PTPRD: variants seen among roughly 807,000 people sequenced by gnomAD.
The protein encoded by PTPRD is protein tyrosine phosphatase receptor type D.
Under a neutral mutation model 214.5 loss-of-function variants are expected in PTPRD, and 34 were observed. The ratio of observed to expected loss-of-function variants is 0.16; its 90% confidence interval spans 0.12 to 0.21. The LOEUF is 0.21. Among genes scored for constraint, PTPRD ranks in the 10% least tolerant of loss-of-function variants. The pLI, the probability that PTPRD is intolerant of heterozygous loss-of-function variation, is 1.00. For synonymous variants in PTPRD, 1,128 were observed against 845.7 expected, an observed-to-expected ratio of 1.33 and a Z score of -5.79; for missense variants, 2,545 against 2,398.7, an observed-to-expected ratio of 1.06 and a Z score of -1.27.
chr9:9,503,597 A>C (rs1272766677), intron 8 of PTPRD, among the ~76,000 whole-genome samples: 3 of 151,816 alleles, frequency 2.0e-5, no homozygotes, highest in Admixed American at 2.0e-4. Context: ...TAAATATTGC[A>C]TAGGAATCAA....
chr9:10,546,952 G>C (rs528982836), intron 2 of PTPRD, among the ~76,000 whole-genome samples: 6 of 152,202 alleles, frequency 3.9e-5, no homozygotes, highest in African/African-American at 9.6e-5. Flanking sequence ...GTACAGGTAA[G>C]AGTTTTTTAA....
At chr9:10,167,768 G>T (rs1263676392) in intron 3 of PTPRD, among the ~76,000 whole-genome samples, 1 of 152,176 alleles carries the variant, frequency 6.6e-6, no homozygotes, top group African/African-American at 2.4e-5. Context: ...GATACTGTGT[G>T]ATAGAAGATA....
At position 8,480,045 on chromosome 9, in the gene PTPRD, A is replaced by G. The variant is rs564796190; in HGVS notation, c.3413+4074T>C. ...TCACCCCATTATATTCACATTATCT[A>G]TTTTCTGAATCTATTCTCTTACTAT... is the stretch of plus-strand genomic sequence containing the variant. On this transcript the variant is annotated intron_variant, in intron 30 of 45. Coordinates refer to ENST00000381196, the MANE Select transcript of PTPRD (RefSeq NM_002839.4). Among the ~76,000 whole-genome samples the G allele has an allele frequency of 6.6e-5, 10 of 152,162 alleles. No individual in the cohort carries two copies. In the South Asian group the frequency reaches 2.1e-3, roughly 32 times the overall value.
chr9:8,489,245 G>C (rs1398638094), intron 27 of PTPRD, among the ~76,000 whole-genome samples: 2 of 152,152 alleles, frequency 1.3e-5, no homozygotes, highest in Admixed American at 1.3e-4. Flanking sequence ...TTAGGATGGA[G>C]TAATCTCTTT....
At chr9:8,440,735 T>C (rs2095520764) in intron 34 of PTPRD, among the ~76,000 whole-genome samples, 1 of 151,936 alleles carries the variant, frequency 6.6e-6, no homozygotes, top group Non-Finnish European at 1.5e-5. Context: ...CTGCCTTAGG[T>C]TGGAGGAAAA....
chr9:9,206,974 C>T (rs1336605172), intron 9 of PTPRD, among the ~76,000 whole-genome samples: 1 of 152,086 alleles, frequency 6.6e-6, no homozygotes, highest in Non-Finnish European at 1.5e-5. Flanking sequence ...CTGACTAATA[C>T]AAAGCTATTG....
At chr9:8,894,689 A>G (rs1236324583) in intron 11 of PTPRD, among the ~76,000 whole-genome samples, 1 of 152,250 alleles carries the variant, frequency 6.6e-6, no homozygotes, top group Non-Finnish European at 1.5e-5. Flanking sequence ...CTATATTGCA[A>G]CAAAGTGTGT....
intron 11 of PTPRD, among the ~76,000 whole-genome samples, chr9:8,780,675 T>C (rs1274049180): frequency 1.3e-5 from 2 of 152,204 alleles, no homozygotes; most frequent in Non-Finnish European, 2.9e-5. Flanking sequence ...AGGCAAGGCC[T>C]GAGAATCTAC....
At chr9:10,343,345 T>C (rs2096982490) in intron 2 of PTPRD, among the ~76,000 whole-genome samples, 1 of 152,192 alleles carries the variant, frequency 6.6e-6, no homozygotes, top group Non-Finnish European at 1.5e-5. Context: ...CCATGGTGTA[T>C]ATGTGCCAAA....
intron 14 of PTPRD, among the ~76,000 whole-genome samples, chr9:8,598,794 C>T (rs759308217): frequency 3.9e-5 from 6 of 152,120 alleles, no homozygotes; most frequent in East Asian, 1.9e-4. Flanking sequence ...TGTCTTCCAA[C>T]GAGTTAAAAT....
intron 9 of PTPRD, among the ~76,000 whole-genome samples, chr9:9,217,895 T>G (rs2099953327): frequency 1.3e-5 from 2 of 152,144 alleles, no homozygotes; most frequent in South Asian, 4.1e-4. Flanking sequence ...CCTGCTCTCT[T>G]ACATAATTAA....
Position 10,295,216 on chromosome 9 carries a change from G to A in PTPRD, c.-545+45747C>T, listed in dbSNP as rs574953861. On this transcript the variant is annotated intron_variant, in intron 3 of 45. Transcript: ENST00000381196. ...TGTGCTCCTTTTTCCTAAAAACAAA[G>A]ACCATCAAACAATTCTGGATATTTT... Among the ~76,000 whole-genome samples, 10 of 152,114 alleles carry A rather than the reference G, an allele frequency of 6.6e-5. No homozygotes were observed. In the South Asian group the frequency reaches 2.1e-3, roughly 32 times the overall value.
chr9:9,132,311 G>A (rs2007138), intron 10 of PTPRD, among the ~76,000 whole-genome samples: 33,985 of 152,004 alleles, frequency 0.22, 4,545 homozygotes, highest in Middle Eastern at 0.32. Context: ...GCCAGGCCTG[G>A]CCACTAGTTT....
intron 3 of PTPRD, among the ~76,000 whole-genome samples, chr9:10,119,361 T>C (rs1022788368): frequency 6.6e-6 from 1 of 152,036 alleles, no homozygotes; most frequent in South Asian, 2.1e-4. Context: ...TTGCCTTCTA[T>C]GGTACACTGG....
At chr9:10,300,674 T>G (rs985649347) in intron 3 of PTPRD, among the ~76,000 whole-genome samples, 3 of 152,184 alleles carry the variant, frequency 2.0e-5, no homozygotes, top group Non-Finnish European at 2.9e-5. Context: ...CTGAGCCTAC[T>G]GCAGCTCAGC....
At chr9:9,855,980 T>C (rs2061482489) in intron 5 of PTPRD, among the ~76,000 whole-genome samples, 1 of 152,154 alleles carries the variant, frequency 6.6e-6, no homozygotes, top group African/African-American at 2.4e-5. Flanking sequence ...TCCAGAACTC[T>C]TGTCCAGCAT....
chr9:10,302,052 A>T (rs1465877483), intron 3 of PTPRD, among the ~76,000 whole-genome samples: 1 of 152,230 alleles, frequency 6.6e-6, no homozygotes, highest in Non-Finnish European at 1.5e-5. Context: ...AGGGAAGCCC[A>T]TCAAACTAAC....
chr9:10,523,466 C>A (rs1481123869), intron 2 of PTPRD, among the ~76,000 whole-genome samples: 1 of 151,532 alleles, frequency 6.6e-6, no homozygotes, highest in African/African-American at 2.4e-5. Flanking sequence ...CCATGCCCTG[C>A]AATCATAATG....
chr9:9,672,030 G>C (rs927759306), intron 7 of PTPRD, among the ~76,000 whole-genome samples: 1 of 152,158 alleles, frequency 6.6e-6, no homozygotes, highest in Non-Finnish European at 1.5e-5. Flanking sequence ...ATGCATTTGA[G>C]AGAATGAGGC....
Sources: allele counts gnomAD v4.1 joint callset (sites outside exome capture counted in the v4.1 genomes callset), GRCh38; gene constraint gnomAD v4.1.1; transcripts MANE v1.5; gene names NCBI Gene and HGNC (gene_info 2026-07-23, HGNC 2026-07-21).